MGAT4C: variants seen among roughly 807,000 people sequenced by gnomAD.
MGAT4C encodes the protein alpha-1,3-mannosyl-glycoprotein 4-beta-N-acetylglucosaminyltransferase C.
In MGAT4C, 19 loss-of-function variants were observed where a neutral mutation model predicts 40.1. The observed-to-expected ratio is 0.47, with a 90% CI of 0.33 to 0.70. The LOEUF is 0.70. Among genes scored for constraint, MGAT4C ranks in the 30% least tolerant of loss-of-function variants. The pLI, the probability that MGAT4C is intolerant of heterozygous loss-of-function variation, is 0.02. For synonymous variants in MGAT4C, 181 were observed against 187.1 expected, an observed-to-expected ratio of 0.97 and a Z score of 0.27; for missense variants, 491 against 563.2, an observed-to-expected ratio of 0.87 and a Z score of 1.30.
intron 1 of MGAT4C, among the ~76,000 whole-genome samples, chr12:86,765,994 C>T (rs1017369049): frequency 6.6e-6 from 1 of 152,256 alleles, no homozygotes; most frequent in African/African-American, 2.4e-5. Flanking sequence ...ATCATAATGA[C>T]AGGATCAAAT....
chr12:86,633,139 C>T (rs78071237), intron 2 of MGAT4C, among the ~76,000 whole-genome samples: 18,322 of 151,562 alleles, frequency 0.12, 1,836 homozygotes, highest in African/African-American at 0.28. Flanking sequence ...TAATAAATAC[C>T]TTTAAAATAA....
chr12:86,445,322 C>A (rs1373940789), intron 2 of MGAT4C, among the ~76,000 whole-genome samples: 1 of 151,928 alleles, frequency 6.6e-6, no homozygotes, highest in South Asian at 2.1e-4. Context: ...TCCAAATGAC[C>A]AATACCATGT....
chr12:86,252,821 A>G (rs1315800112), intron 1 of MGAT4C, among the ~76,000 whole-genome samples: 1 of 151,986 alleles, frequency 6.6e-6, no homozygotes, highest in Non-Finnish European at 1.5e-5. Context: ...TGTAAAATAG[A>G]CAATAAAAAT....
chr12:86,302,267 G>T (rs912604983), intron 4 of MGAT4C, among the ~76,000 whole-genome samples: 1 of 150,662 alleles, frequency 6.6e-6, no homozygotes, highest in Non-Finnish European at 1.5e-5. Context: ...AAAAACAGTT[G>T]AAATTTTTAA....
At chr12:86,106,430 C>T (rs112855527) in intron 1 of MGAT4C, among the ~76,000 whole-genome samples, 51 of 152,124 alleles carry the variant, frequency 3.4e-4, no homozygotes, top group African/African-American at 1.1e-3. Flanking sequence ...CCCCTCTAGT[C>T]GCTGAGACTG....
intron 1 of MGAT4C, among the ~76,000 whole-genome samples, chr12:86,242,782 C>G (rs1267517506): frequency 6.6e-6 from 1 of 152,110 alleles, no homozygotes; most frequent in African/African-American, 2.4e-5. Flanking sequence ...CCCCCACTCC[C>G]CACCACATAT....
At chr12:86,784,064 C>T (rs1951891239) in intron 1 of MGAT4C, among the ~76,000 whole-genome samples, 1 of 152,066 alleles carries the variant, frequency 6.6e-6, no homozygotes, top group South Asian at 2.1e-4. Context: ...ATGACTCCAC[C>T]TCCACCTCCA....
intron 4 of MGAT4C, among the ~76,000 whole-genome samples, chr12:86,287,546 C>T (rs1953384620): frequency 1.3e-5 from 2 of 152,058 alleles, no homozygotes; most frequent in South Asian, 4.1e-4. Flanking sequence ...GTGATGTTTC[C>T]CTCCCTGTGT....
chr12:86,195,422 G>A (rs1331344419), intron 1 of MGAT4C, among the ~76,000 whole-genome samples: 2 of 152,076 alleles, frequency 1.3e-5, no homozygotes, highest in African/African-American at 4.8e-5. Context: ...TTTTAAAGGA[G>A]ACATTGAATC....
At chr12:86,455,712 A>T (rs976908415) in intron 2 of MGAT4C, among the ~76,000 whole-genome samples, 1 of 152,150 alleles carries the variant, frequency 6.6e-6, no homozygotes, top group African/African-American at 2.4e-5. Context: ...AGTAAAGTCA[A>T]ATATTAATTT....
chr12:86,184,944 C>T (rs1263227177), intron 1 of MGAT4C, among the ~76,000 whole-genome samples: 1 of 152,012 alleles, frequency 6.6e-6, no homozygotes, highest in Non-Finnish European at 1.5e-5. Context: ...GAAATAGTTC[C>T]CACTCTGTCT....
At chr12:86,142,375 C>T (rs1882955662) in intron 1 of MGAT4C, among the ~76,000 whole-genome samples, 1 of 151,990 alleles carries the variant, frequency 6.6e-6, no homozygotes, top group African/African-American at 2.4e-5. Context: ...GTCAGTGTAC[C>T]CATGTTTATT....
chr12:86,095,944 G>A (rs1873836136), intron 1 of MGAT4C, among the ~76,000 whole-genome samples: 1 of 151,542 alleles, frequency 6.6e-6, no homozygotes, highest in Non-Finnish European at 1.5e-5. Flanking sequence ...TAATCCTTTG[G>A]TTGCCTAAAG....
intron 2 of MGAT4C, among the ~76,000 whole-genome samples, chr12:86,649,715 C>A (rs542902716): frequency 6.6e-6 from 1 of 151,806 alleles, no homozygotes; most frequent in Admixed American, 6.6e-5. Context: ...TTATTTAAAT[C>A]TAAAGGCCGT....
intron 4 of MGAT4C, among the ~76,000 whole-genome samples, chr12:86,314,102 T>TGA (rs778705880): frequency 4.6e-5 from 7 of 152,250 alleles, no homozygotes; most frequent in Admixed American, 2.6e-4. Context: ...ATAAGCTCCC[T>TGA]GTCAGCTTTC....
intron 2 of MGAT4C, among the ~76,000 whole-genome samples, chr12:86,452,375 CCT>C (rs1489701434): frequency 6.6e-6 from 1 of 151,652 alleles, no homozygotes; most frequent in Non-Finnish European, 1.5e-5. Flanking sequence ...ACAACAGGCC[CCT>C]GTGTGTGATG....
At chr12:86,326,266 T>C (rs1173684486) in intron 4 of MGAT4C, among the ~76,000 whole-genome samples, 3 of 151,212 alleles carry the variant, frequency 2.0e-5, no homozygotes, top group African/African-American at 7.3e-5. Context: ...ACTTAAAATT[T>C]GCTAAGAGGG....
chr12:86,540,624 T>C (rs988186311), intron 2 of MGAT4C, among the ~76,000 whole-genome samples: 3 of 152,192 alleles, frequency 2.0e-5, no homozygotes, highest in African/African-American at 7.2e-5. Context: ...TAGTCCCAGC[T>C]ACTCAGGAGG....
chr12:86,340,964 A>T (rs766874859), intron 3 of MGAT4C, among the ~76,000 whole-genome samples: 4 of 149,196 alleles, frequency 2.7e-5, no homozygotes, highest in Non-Finnish European at 6.1e-5. Context: ...TATAAAAGTA[A>T]ATATTTAAAA....
Sources: allele counts gnomAD v4.1 joint callset (sites outside exome capture counted in the v4.1 genomes callset), GRCh38; gene constraint gnomAD v4.1.1; transcripts MANE v1.5; gene names NCBI Gene and HGNC (gene_info 2026-07-23, HGNC 2026-07-21).